Variants in CSMD1 observed in about 807,000 individuals in gnomAD.
The protein encoded by CSMD1 is CUB and sushi domain-containing protein 1.
A neutral mutation model predicts 417.5 loss-of-function variants in CSMD1; 213 were observed. That is an observed-to-expected ratio of 0.51 (90% CI 0.46 to 0.57). CSMD1 has a LOEUF of 0.57. CSMD1 is among the 20% of genes least tolerant of loss of function. The pLI is 0.00. For missense variants in CSMD1, 6,923 were observed against 4,529.7 expected (o/e 1.53, Z -15.17); for synonymous variants, 2,862 against 1,736.8 (o/e 1.65, Z -16.11).
rs1353816684 is a variant in CSMD1 at position 4,788,644 on chromosome 8, A to G, written c.86-151086T>C. On this transcript the variant is annotated intron_variant, in intron 1 of 69. Coordinates refer to ENST00000635120, the MANE Select transcript of CSMD1 (RefSeq NM_033225.6). ...AACTACAAATTTCTAATTTAGCTGA[A>G]GGAAAATCAAGCAATATGAAAAGGT... The G allele has an allele frequency of 1.1e-5, 8 of 710,088 alleles. No homozygotes were observed. In the East Asian group the frequency reaches 2.0e-4, roughly 18 times the overall value. 44.0% of individuals were successfully genotyped at this position (710,088 alleles called of 1,614,324 possible).
intron 37 of CSMD1, among the ~76,000 whole-genome samples, chr8:3,171,322 G>C (rs576291095): frequency 6.6e-6 from 1 of 152,152 alleles, no homozygotes; most frequent in East Asian, 1.9e-4. Context: ...CAGAAAGTGG[G>C]GGGACTCCAA....
In CSMD1 at chr8:4,815,282, G is replaced by A. The variant is rs147872665; in HGVS notation, c.86-177724C>T. Among the ~76,000 whole-genome samples the A allele has an allele frequency of 4.1e-3, 619 of 152,178 alleles. 17 individuals carry two copies. Among genetic ancestry groups the A allele is most frequent in the Admixed American group, 0.035 (537 of 15,274 alleles). The stretch of plus-strand genomic sequence containing the variant: ...ATTTGAATTGGCTTCAAACCAATCT[G>A]CATTTGTGTCCTTCCCTGCTCAGCC... On this transcript the variant is annotated intron_variant, in intron 1 of 69. Transcript: ENST00000635120.
At chr8:3,528,707 G>A (rs753775563) in intron 10 of CSMD1, among the ~76,000 whole-genome samples, 2 of 152,168 alleles carry the variant, frequency 1.3e-5, no homozygotes, top group African/African-American at 2.4e-5. Context: ...CAGTGCATAT[G>A]GAAAAGCTTG....
At chr8:3,973,071 T>G (rs1036095694) in intron 5 of CSMD1, among the ~76,000 whole-genome samples, 1 of 152,268 alleles carries the variant, frequency 6.6e-6, no homozygotes, top group Non-Finnish European at 1.5e-5. Context: ...ATAACAAATG[T>G]TTGTTTTACA....
At chr8:4,636,580 C>A (rs924858113) in intron 2 of CSMD1, among the ~76,000 whole-genome samples, 2 of 152,172 alleles carry the variant, frequency 1.3e-5, no homozygotes, top group Admixed American at 1.3e-4. Context: ...CTTTTTCTCT[C>A]AAACTCACAG....
At chr8:3,326,336 C>A (rs576077730) in intron 23 of CSMD1, among the ~76,000 whole-genome samples, 3 of 152,306 alleles carry the variant, frequency 2.0e-5, no homozygotes, top group Admixed American at 6.5e-5. Flanking sequence ...TCTTTTCTTA[C>A]AATGGTCATC....
chr8:4,732,179 T>C (rs1051345201), intron 1 of CSMD1, among the ~76,000 whole-genome samples: 1 of 152,150 alleles, frequency 6.6e-6, no homozygotes, highest in Admixed American at 6.6e-5. Context: ...AAGCGTTCGG[T>C]AGCAGACCGC....
In CSMD1 at chr8:3,828,463, T is replaced by G. The variant is rs151330367; in HGVS notation, c.819-74421A>C. ...AAAGAATAAAATATATAAAAACCCA[T>G]GTGAATACAGAAAATCACTTGATCT... On this transcript the variant is annotated intron_variant, in intron 5 of 69. Transcript: ENST00000635120. 1.1e-3 allele frequency among the ~76,000 whole-genome samples: 166 copies of G among 152,320 alleles called. 1 individual carries two copies. Among genetic ancestry groups the G allele is most frequent in the South Asian group, 4.8e-3 (23 of 4,832 alleles).
At chr8:4,483,887 C>T (rs531296611) in intron 2 of CSMD1, among the ~76,000 whole-genome samples, 1 of 152,146 alleles carries the variant, frequency 6.6e-6, no homozygotes, top group South Asian at 2.1e-4. Flanking sequence ...CAAAAATGAA[C>T]CGAAAGGGTT....
chr8:4,840,226 C>T (rs73183431), intron 1 of CSMD1, among the ~76,000 whole-genome samples: 1 of 18,162 alleles, frequency 5.5e-5, no homozygotes, highest in Non-Finnish European at 2.0e-4. Flanking sequence ...CTTTCCTCTG[C>T]CACCATCACA....
chr8:3,632,155 T>C (rs6983641), intron 7 of CSMD1, among the ~76,000 whole-genome samples: 24,256 of 152,170 alleles, frequency 0.16, 2,324 homozygotes, highest in African/African-American at 0.26. Context: ...GAAAAGGGAT[T>C]TATTTTAAAA....
chr8:4,614,541 G>A (rs1585333322), intron 2 of CSMD1, among the ~76,000 whole-genome samples: 1 of 152,062 alleles, frequency 6.6e-6, no homozygotes, highest in Non-Finnish European at 1.5e-5. Context: ...CATAGCACAA[G>A]CGGAAGTATC....
At chr8:4,815,540 AC>A (rs1217211666) in intron 1 of CSMD1, among the ~76,000 whole-genome samples, 1 of 151,878 alleles carries the variant, frequency 6.6e-6, no homozygotes, top group African/African-American at 2.4e-5. Context: ...TACTGAAAAT[AC>A]AAAAATTAGC....
chr8:4,641,698 C>G (rs1803202005), intron 1 of CSMD1, among the ~76,000 whole-genome samples: 1 of 152,130 alleles, frequency 6.6e-6, no homozygotes, highest in South Asian at 2.1e-4. Flanking sequence ...GCATTACAGA[C>G]CTCATGTATG....
rs549152205 is a variant in CSMD1 at position 3,547,317 on chromosome 8, T to G, written c.1344+27628A>C. 1.1e-4 allele frequency among the ~76,000 whole-genome samples: 17 copies of G among 152,350 alleles called. No individual in the cohort carries two copies. In the South Asian group the frequency reaches 3.1e-3, roughly 28 times the overall value. On this transcript the variant is annotated intron_variant, in intron 10 of 69. Transcript: ENST00000635120. ...AAAATGAAATGAATGTGTGCTTATT[T>G]CAGTTTCTAAGTGAGAATGTAAAAT...
chr8:4,340,995 C>T (rs934788234), intron 3 of CSMD1, among the ~76,000 whole-genome samples: 1 of 152,014 alleles, frequency 6.6e-6, no homozygotes, highest in Admixed American at 6.6e-5. Flanking sequence ...AAAATTATCA[C>T]AGTCATCCTA....
Position 2,937,196 on chromosome 8 carries a change from A to C in CSMD1, c.*1389T>G, listed in dbSNP as rs1801541600. The C allele has an allele frequency of 6.6e-6, 1 of 152,156 alleles. No homozygotes were observed. Among genetic ancestry groups the C allele is most frequent in the South Asian group, 2.1e-4 (1 of 4,824 alleles). The allele number at this position is 152,156 out of a possible 1,614,324, so 9.4% of individuals were successfully genotyped here. ...CATCATAACTTATCATTTACCTATA[A>C]TGGAATTTAAACTTGAAAAGTCACT... On this transcript the variant is annotated 3_prime_UTR_variant, in exon 70 of 70. Transcript: ENST00000635120.
chr8:4,010,206 G>T (rs1361608265), intron 4 of CSMD1, among the ~76,000 whole-genome samples: 1 of 152,060 alleles, frequency 6.6e-6, no homozygotes, highest in South Asian at 2.1e-4. Context: ...CTGGCAGACT[G>T]TGCCCACCCA....
chr8:4,277,031 A>G (rs1202313544), intron 3 of CSMD1, among the ~76,000 whole-genome samples: 4 of 152,174 alleles, frequency 2.6e-5, no homozygotes, highest in Admixed American at 2.6e-4. Flanking sequence ...GGTCAAAAAA[A>G]TTACCAGGAT....
Sources: allele counts gnomAD v4.1 joint callset (sites outside exome capture counted in the v4.1 genomes callset), GRCh38; gene constraint gnomAD v4.1.1; transcripts MANE v1.5; gene names NCBI Gene and HGNC (gene_info 2026-07-23, HGNC 2026-07-21).